The following NCR2 variants were observed in gnomAD, a reference collection of about 807,000 sequenced individuals.
NCR2 encodes the protein natural cytotoxicity triggering receptor 2, also known as NK cell activating receptor (NKp44).
In NCR2, 35 loss-of-function variants were observed where a neutral mutation model predicts 30.7. The ratio of observed to expected loss-of-function variants is 1.14; its 90% confidence interval spans 0.87 to 1.51. NCR2 has a LOEUF of 1.51. Among genes scored for constraint, NCR2 ranks in the 40% most tolerant of loss-of-function variants. The pLI is 0.00. For synonymous variants in NCR2, 146 were observed against 134.8 expected (o/e 1.08, Z -0.58); for missense variants, 316 against 328.9 (o/e 0.96, Z 0.30).
intron 1 of NCR2, 41 bp from the exon 2 acceptor site, chr6:41,336,046 G>T: frequency 6.3e-7 from 1 of 1,594,278 alleles, no homozygotes. Context: ...GGCAGGTTGT[G>T]CGCGTGGCCT....
At chr6:41,336,823 A>G (rs1158869889) in intron 2 of NCR2, among the ~76,000 whole-genome samples, 1 of 152,202 alleles carries the variant, frequency 6.6e-6, no homozygotes, top group Non-Finnish European at 1.5e-5. Context: ...CCAAGATACT[A>G]TGGGTATCCC....
At chr6:41,339,128 C>G (rs924194873) in intron 2 of NCR2, among the ~76,000 whole-genome samples, 1 of 152,218 alleles carries the variant, frequency 6.6e-6, no homozygotes, top group Non-Finnish European at 1.5e-5. Flanking sequence ...GTGGTGCAAT[C>G]TCGGCTCACT....
intron 2 of NCR2, among the ~76,000 whole-genome samples, chr6:41,337,450 A>G (rs1769061685): frequency 1.3e-5 from 2 of 152,346 alleles, no homozygotes; most frequent in Admixed American, 1.3e-4. Flanking sequence ...GGGAAATTGC[A>G]GTTCTCCATA....
chr6:41,341,291 A>G (rs1294174259), intron 2 of NCR2, among the ~76,000 whole-genome samples: 1 of 152,090 alleles, frequency 6.6e-6, no homozygotes, highest in South Asian at 2.1e-4. Context: ...AGAGTCCCAG[A>G]GTCAAGAGGG....
chr6:41,341,820 A>T lies in NCR2; in HGVS notation c.421A>T (p.Thr141Ser), dbSNP rs1163222843. ...CTCTGCCTCCACACAGACCTCCTGG[A>T]CTCCCCGCGACCTGGTCTCTTCACA... ...PASASTQTSW[T>S]PRDLVSSQTQ... Residue 141 changes from threonine to serine, a missense_variant, in exon 3 of 5, where the codon ACT becomes TCT. By Grantham distance (58) the Thr-to-Ser change is moderately conservative (BLOSUM62 1). Coordinates refer to ENST00000373089, the MANE Select transcript of NCR2 (RefSeq NM_004828.4). The T allele has an allele frequency of 2.5e-6, 4 of 1,611,584 alleles. No homozygotes were observed. The highest frequency in any genetic ancestry group is 3.4e-6 in the Non-Finnish European group (4 of 1,179,652).
chr6:41,350,392 G>A (rs112285795), intron 4 of NCR2, among the ~76,000 whole-genome samples: 19 of 152,042 alleles, frequency 1.2e-4, no homozygotes, highest in African/African-American at 4.6e-4. Context: ...GTGGGCAGAG[G>A]GTGAACCTGG....
In NCR2 at chr6:41,337,702, T is replaced by G. The variant is rs144476889; in HGVS notation, c.394+1274T>G. Among the ~76,000 whole-genome samples the G allele has an allele frequency of 3.5e-4, 53 of 152,278 alleles. 1 individual carries two copies. The highest frequency in any genetic ancestry group is 3.4e-3 in the Middle Eastern group (1 of 294). ...GTATAATGTCAGAAATAGAAGAAATTTTAAAGCAATTCCGACAAGCTCAAC... is the reference window on the plus strand; with the variant it reads ...GTATAATGTCAGAAATAGAAGAAATGTTAAAGCAATTCCGACAAGCTCAAC... On this transcript the variant is annotated intron_variant, in intron 2 of 4. Coordinates refer to ENST00000373089, the MANE Select transcript of NCR2 (RefSeq NM_004828.4).
chr6:41,341,040 C>T (rs1267282202), intron 2 of NCR2, among the ~76,000 whole-genome samples: 1 of 152,114 alleles, frequency 6.6e-6, no homozygotes, highest in East Asian at 1.9e-4. Context: ...GTATGTAGAC[C>T]TAGTCTGCTA....
chr6:41,345,589 C>G (rs60015276), intron 4 of NCR2, among the ~76,000 whole-genome samples: 3,101 of 152,078 alleles, frequency 0.02, 90 homozygotes, highest in African/African-American at 0.068. Context: ...AGACTCCTGG[C>G]CCCCTCCCCT....
At chr6:41,347,634 T>C (rs1247502148) in intron 4 of NCR2, among the ~76,000 whole-genome samples, 1 of 152,264 alleles carries the variant, frequency 6.6e-6, no homozygotes, top group Non-Finnish European at 1.5e-5. Context: ...CTCTTGTGAC[T>C]TTCTCCTGAC....
intron 4 of NCR2, among the ~76,000 whole-genome samples, chr6:41,345,847 T>C (rs555835602): frequency 6.6e-6 from 1 of 152,298 alleles, no homozygotes; most frequent in African/African-American, 2.4e-5. Flanking sequence ...GCTCAGCTTC[T>C]CTGAACGTCA....
At chr6:41,344,671 T>C (rs1193732065) in intron 4 of NCR2, among the ~76,000 whole-genome samples, 3 of 152,236 alleles carry the variant, frequency 2.0e-5, no homozygotes, top group Non-Finnish European at 4.4e-5. Flanking sequence ...ATATTAAAGT[T>C]TTAACTTTTG....
Position 41,335,904 on chromosome 6 carries a change from C to T in NCR2, c.28C>T (p.Leu10=). The T allele has an allele frequency of 6.4e-7, 1 of 1,571,156 alleles. No homozygotes were observed. The highest frequency in any genetic ancestry group is 1.7e-4 in the Middle Eastern group (1 of 6,014). The change falls in exon 1 of 5, where the codon CTA becomes TTA. Residue 10 remains leucine, a synonymous_variant. Coordinates refer to ENST00000373089, the MANE Select transcript of NCR2 (RefSeq NM_004828.4). ...GGCCTGGCGAGCCCTACACCCACTG[C>T]TACTGCTGCTGCTGCTGTTCCCAGG... The part of the protein sequence containing the change: MAWRALHPL[L]LLLLLFPGSQ...
chr6:41,343,673 G>C (rs532375181), intron 4 of NCR2, among the ~76,000 whole-genome samples: 3 of 152,240 alleles, frequency 2.0e-5, no homozygotes, highest in Non-Finnish European at 4.4e-5. Flanking sequence ...AAAGAAATTG[G>C]TCATTTCAAA....
intron 1 of NCR2, 52 bp from the exon 2 acceptor site, chr6:41,336,034 GA>G: frequency 6.3e-7 from 1 of 1,590,102 alleles, no homozygotes. Flanking sequence ...GGCCTGCTGT[GA>G]GGCAGGTTGT....
chr6:41,347,873 T>G (rs909109293), intron 4 of NCR2, among the ~76,000 whole-genome samples: 1 of 152,174 alleles, frequency 6.6e-6, no homozygotes, highest in Non-Finnish European at 1.5e-5. Context: ...CCCAAGACGG[T>G]GCATCCTCAT....
At chr6:41,346,287 T>C (rs1319979903) in intron 4 of NCR2, among the ~76,000 whole-genome samples, 2 of 152,072 alleles carry the variant, frequency 1.3e-5, no homozygotes, top group Non-Finnish European at 2.9e-5. Flanking sequence ...AGTGGTCTCG[T>C]CCTCTTCCCT....
At chr6:41,344,107 C>T (rs1170890727) in intron 4 of NCR2, among the ~76,000 whole-genome samples, 2 of 152,126 alleles carry the variant, frequency 1.3e-5, no homozygotes, top group Non-Finnish European at 2.9e-5. Flanking sequence ...TCAGTCCCCG[C>T]CTCCTAGATT....
At chr6:41,336,619 C>A (rs1769038602) in intron 2 of NCR2, among the ~76,000 whole-genome samples, 191 bp downstream of exon 2, 1 of 152,146 alleles carries the variant, frequency 6.6e-6, no homozygotes, top group Non-Finnish European at 1.5e-5. Context: ...GCATGACTCC[C>A]AAGCCTGCAG....
Sources: allele counts gnomAD v4.1 joint callset (sites outside exome capture counted in the v4.1 genomes callset), GRCh38; gene constraint gnomAD v4.1.1; transcripts MANE v1.5; gene names NCBI Gene and HGNC (gene_info 2026-07-23, HGNC 2026-07-21).